The following B3GALNT2 variants were observed in gnomAD, a reference collection of about 807,000 sequenced individuals.
The protein encoded by B3GALNT2 is UDP-GalNAc:beta-1,3-N-acetylgalactosaminyltransferase 2.
B3GALNT2 carries 53 observed loss-of-function variants against 61.1 expected under a neutral mutation model. The ratio of observed to expected loss-of-function variants is 0.87; its 90% confidence interval spans 0.70 to 1.09. The LOEUF (loss-of-function observed/expected upper bound fraction) is 1.09. Ranked by LOEUF, B3GALNT2 falls within the 50% of genes least tolerant of loss-of-function variation. The pLI, the probability that B3GALNT2 is intolerant of heterozygous loss-of-function variation, is 0.00. For missense variants in B3GALNT2, 544 were observed against 623.0 expected (o/e 0.87, Z 1.35); for synonymous variants, 223 against 237.4 (o/e 0.94, Z 0.56).
intron 4 of B3GALNT2, among the ~76,000 whole-genome samples, chr1:235,481,378 C>T (rs887541194): frequency 1.3e-5 from 2 of 152,202 alleles, no homozygotes; most frequent in Non-Finnish European, 2.9e-5. Flanking sequence ...CTCACTCTGT[C>T]ACCTAGGCTG....
intron 1 of B3GALNT2, among the ~76,000 whole-genome samples, chr1:235,495,727 T>C (rs2102864956): frequency 6.6e-6 from 1 of 152,266 alleles, no homozygotes; most frequent in South Asian, 2.1e-4. Flanking sequence ...TATATATAGC[T>C]CTGATGAGGT....
chr1:235,486,007 C>A (rs1293348387), intron 3 of B3GALNT2, among the ~76,000 whole-genome samples: 3 of 152,092 alleles, frequency 2.0e-5, no homozygotes, highest in Non-Finnish European at 4.4e-5. Context: ...ACGAGAATTG[C>A]TTGAGCCTGG....
At chr1:235,481,645 A>G (rs1488088061) in intron 4 of B3GALNT2, among the ~76,000 whole-genome samples, 1 of 152,108 alleles carries the variant, frequency 6.6e-6, no homozygotes, top group Non-Finnish European at 1.5e-5. Flanking sequence ...CGCCTGGCTG[A>G]TAGTTTTTTT....
intron 3 of B3GALNT2, among the ~76,000 whole-genome samples, chr1:235,485,029 A>G (rs1316796913): frequency 6.6e-6 from 1 of 152,256 alleles, no homozygotes; most frequent in African/African-American, 2.4e-5. Flanking sequence ...AACACTGAAA[A>G]ACTCTTGCTG....
At chr1:235,444,117 T>C, downstream of B3GALNT2, among the ~76,000 whole-genome samples, 1 of 152,252 alleles carries the variant, frequency 6.6e-6, no homozygotes, top group Non-Finnish European at 1.5e-5. Flanking sequence ...AATTAGTTTC[T>C]ATCAGATAAA....
chr1:235,502,667 G>C (rs1478648371), intron 1 of B3GALNT2, among the ~76,000 whole-genome samples: 2 of 152,120 alleles, frequency 1.3e-5, no homozygotes, highest in Admixed American at 6.5e-5. Flanking sequence ...AAACTGCCTA[G>C]CAAGTCTACT....
chr1:235,467,001 GGC>G (rs1445754920), intron 6 of B3GALNT2, among the ~76,000 whole-genome samples: 6 of 152,120 alleles, frequency 3.9e-5, no homozygotes, highest in Non-Finnish European at 7.3e-5. Flanking sequence ...AATGTTTTAA[GGC>G]CAGTAGAACA....
intron 3 of B3GALNT2, 53 bp downstream of exon 3, chr1:235,489,115 C>G (rs1684940223): frequency 6.3e-7 from 1 of 1,596,112 alleles, no homozygotes; most frequent in Non-Finnish European, 8.5e-7. Context: ...AGCTTAGCAA[C>G]TTTTACTCAA....
At chr1:235,459,149 A>G (rs1683301257) in intron 7 of B3GALNT2, among the ~76,000 whole-genome samples, 1 of 152,130 alleles carries the variant, frequency 6.6e-6, no homozygotes, top group Admixed American at 6.6e-5. Context: ...ACTGAGAGAA[A>G]AAAAAAAAAC....
At chr1:235,469,842 A>G (rs1030895796) in intron 6 of B3GALNT2, among the ~76,000 whole-genome samples, 1 of 151,936 alleles carries the variant, frequency 6.6e-6, no homozygotes, top group African/African-American at 2.4e-5. Flanking sequence ...GATTACAGGC[A>G]TAAGCCAGCA....
chr1:235,470,942 C>T lies in B3GALNT2; in HGVS notation c.670G>A (p.Val224Met), dbSNP rs761979457. 3.0e-5 allele frequency: 48 copies of T among 1,613,862 alleles called. No homozygotes were observed. The highest frequency in any genetic ancestry group is 1.6e-4 in the Middle Eastern group (1 of 6,062). ...ILPESFEGTI[V>M]WESQDLHGLV... The stretch of plus-strand genomic sequence containing the variant: ...CCGTGGAGGTCTTGGCTCTCCCACA[C>T]GATTGTACCTTCAAAGCTCTTTTGT... Residue 224 changes from valine to methionine, a missense_variant, in exon 6 of 12, where the codon GTG (valine) becomes ATG (methionine). By Grantham distance (21) the Val-to-Met change is conservative. Coordinates refer to ENST00000366600, the MANE Select transcript of B3GALNT2 (RefSeq NM_152490.5).
intron 4 of B3GALNT2, 105 bp downstream of exon 4, chr1:235,484,217 G>T: frequency 7.0e-7 from 1 of 1,421,100 alleles, no homozygotes. Flanking sequence ...CTCTCAACCA[G>T]AGAGAATTAT....
At chr1:235,470,301 T>C (rs755996724) in intron 6 of B3GALNT2, among the ~76,000 whole-genome samples, 3 of 152,108 alleles carry the variant, frequency 2.0e-5, no homozygotes, top group Non-Finnish European at 4.4e-5. Context: ...TAAAAATTAC[T>C]GAGAAATAGG....
intron 2 of B3GALNT2, among the ~76,000 whole-genome samples, chr1:235,492,278 T>C (rs576229541): frequency 1.1e-4 from 17 of 152,338 alleles, no homozygotes; most frequent in East Asian, 1.9e-4. Flanking sequence ...AACTAAATTA[T>C]TGCAAGTATG....
chr1:235,481,159 A>G (rs545916713), intron 4 of B3GALNT2, among the ~76,000 whole-genome samples: 9 of 152,272 alleles, frequency 5.9e-5, no homozygotes, highest in African/African-American at 9.6e-5. Context: ...GCAATGCAGT[A>G]TAAGAATAGT....
At chr1:235,483,399 C>A (rs1426953662) in intron 4 of B3GALNT2, among the ~76,000 whole-genome samples, 1 of 152,156 alleles carries the variant, frequency 6.6e-6, no homozygotes, top group African/African-American at 2.4e-5. Flanking sequence ...CATACATTTA[C>A]AGATTGAAGA....
intron 5 of B3GALNT2, among the ~76,000 whole-genome samples, chr1:235,472,416 TCTC>T (rs970420000): frequency 2.0e-5 from 3 of 152,122 alleles, no homozygotes; most frequent in Admixed American, 6.6e-5. Flanking sequence ...TCCACTACCT[TCTC>T]CTCCGAGAGG....
At chr1:235,450,441 G>T in intron 11 of B3GALNT2, 101 bp from the exon 12 acceptor site, 1 of 1,381,766 alleles carries the variant, frequency 7.2e-7, no homozygotes, top group Non-Finnish European at 1.0e-6. Context: ...TAATGATGCT[G>T]AAATTATTTC....
intron 4 of B3GALNT2, 129 bp from the exon 5 acceptor site, chr1:235,480,278 G>T: frequency 7.2e-7 from 1 of 1,387,436 alleles, no homozygotes; most frequent in Non-Finnish European, 9.6e-7. Flanking sequence ...CACTAACATG[G>T]TTCTACTGTG....
Sources: allele counts gnomAD v4.1 joint callset (sites outside exome capture counted in the v4.1 genomes callset), GRCh38; gene constraint gnomAD v4.1.1; transcripts MANE v1.5; gene names NCBI Gene and HGNC (gene_info 2026-07-23, HGNC 2026-07-21).